Variants in PPM1F observed in about 807,000 individuals in gnomAD.
PPM1F encodes protein phosphatase, Mg2+/Mn2+ dependent 1F.
A neutral mutation model predicts 35.5 loss-of-function variants in PPM1F; 17 were observed. That is an observed-to-expected ratio of 0.48 (90% CI 0.33 to 0.72). PPM1F has a LOEUF of 0.72. Ranked by LOEUF, PPM1F falls within the 30% of genes least tolerant of loss-of-function variation. The pLI is 0.02. For synonymous variants in PPM1F, 241 were observed against 255.5 expected, an observed-to-expected ratio of 0.94 and a Z score of 0.54; for missense variants, 521 against 613.0, an observed-to-expected ratio of 0.85 and a Z score of 1.59.
intron 6 of PPM1F, among the ~76,000 whole-genome samples, chr22:21,929,459 A>C (rs955422703): frequency 1.1e-4 from 17 of 152,220 alleles, no homozygotes; most frequent in Non-Finnish European, 1.9e-4. Context: ...AGGCAAGGCC[A>C]TCTGTCCATG....
Position 21,939,825 on chromosome 22 carries a change from C to T in PPM1F, c.207-145G>A, listed in dbSNP as rs2070705670. 1 of 935,452 alleles carries T rather than the reference C, an allele frequency of 1.1e-6. No individual in the cohort carries two copies. 57.9% of individuals were successfully genotyped at this position (935,452 alleles called of 1,614,324 possible). On this transcript the variant is annotated intron_variant, in intron 2 of 7. Transcript: ENST00000263212. This position sits in a 1 kb window ranked among gnomAD's most constrained non-coding sequence, Gnocchi z 5.1. ...TCAGGGAGCTGGGACAGGAAGGTCA[C>T]AGGACAGCAAAGGCAGACGCACAAC...
intron 6 of PPM1F, among the ~76,000 whole-genome samples, chr22:21,928,884 C>T (rs1024100236): frequency 1.3e-5 from 2 of 152,176 alleles, no homozygotes; most frequent in African/African-American, 4.8e-5. Context: ...TCCTCCTGCT[C>T]CCCCATTAGA....
Position 21,939,724 on chromosome 22 carries a change from G to T in PPM1F, c.207-44C>A. 1.3e-6 allele frequency: 2 copies of T among 1,548,654 alleles called. No homozygotes were observed. The highest frequency in any genetic ancestry group is 8.7e-7 in the Non-Finnish European group (1 of 1,145,360). The stretch of plus-strand genomic sequence containing the variant: ...AAGTGAGGGGCAGCCCCCAGCAGGA[G>T]ACCACACCTAGCCCCCCTTCCCCAA... On this transcript the variant is annotated intron_variant, in intron 2 of 7. Transcript: ENST00000263212. The surrounding 1 kb of genome is among the most constrained non-coding windows in gnomAD (Gnocchi z 5.1).
At position 21,922,851 on chromosome 22, in the gene PPM1F, G is replaced by A. The variant is rs949991463; in HGVS notation, c.*241C>T. On this transcript the variant is annotated 3_prime_UTR_variant, in exon 8 of 8. Transcript: ENST00000263212. ...CTAATAGGAGCTGGGAGCAAGAGCC[G>A]GTCCATCTTCTCTTTGGTGAGGTCT... 9.6e-6 allele frequency: 5 copies of A among 521,968 alleles called. No individual in the cohort carries two copies. The highest frequency in any genetic ancestry group is 1.9e-5 in the African/African-American group (1 of 52,388). 32.3% of individuals were successfully genotyped at this position (521,968 alleles called of 1,614,324 possible).
chr22:21,942,594 C>T (rs1050081660), intron 2 of PPM1F: 3 of 152,248 alleles, frequency 2.0e-5, no homozygotes, highest in Non-Finnish European at 2.9e-5. Context: ...GGAGGAAGGA[C>T]GCCTGTTTCC....
Position 21,946,056 on chromosome 22 carries a change from G to C in PPM1F, c.-8C>G. 1 of 1,509,166 alleles carries C rather than the reference G, an allele frequency of 6.6e-7. No individual in the cohort carries two copies. Among genetic ancestry groups the C allele is most frequent in the Non-Finnish European group, 8.9e-7 (1 of 1,126,116 alleles). 93.5% of individuals were successfully genotyped at this position (1,509,166 alleles called of 1,614,324 possible). Reference sequence around the variant, plus strand: ...TGGGGCTCCAGAGGACATGCCCAAAGCATCCCGGGGGCCTGCAGCTAGGCC... The same window carrying C: ...TGGGGCTCCAGAGGACATGCCCAAACCATCCCGGGGGCCTGCAGCTAGGCC... On this transcript the variant is annotated 5_prime_UTR_variant, in exon 2 of 8. Coordinates refer to ENST00000263212, the MANE Select transcript of PPM1F (RefSeq NM_014634.4).
intron 2 of PPM1F, chr22:21,942,578 C>G (rs931604533): frequency 6.6e-6 from 1 of 152,266 alleles, no homozygotes; most frequent in African/African-American, 2.4e-5. Flanking sequence ...TCCTTTTGCA[C>G]AGCAGGGAGG....
chr22:21,949,646 C>T (rs1036574918), intron 1 of PPM1F: 1 of 152,328 alleles, frequency 6.6e-6, no homozygotes, highest in Non-Finnish European at 1.5e-5. Context: ...CTGAGCAGGG[C>T]ACACCAGTGA....
chr22:21,935,739 T>G (rs1371031012), intron 3 of PPM1F: 1 of 152,202 alleles, frequency 6.6e-6, no homozygotes, highest in Non-Finnish European at 1.5e-5. Flanking sequence ...GGCTCATGCC[T>G]GTAGTCCCGC....
intron 6 of PPM1F, among the ~76,000 whole-genome samples, chr22:21,926,276 G>A (rs2070514328): frequency 6.6e-6 from 1 of 151,886 alleles, no homozygotes; most frequent in Non-Finnish European, 1.5e-5. Flanking sequence ...TGACTACAGG[G>A]GCGTGCCACC....
intron 1 of PPM1F, chr22:21,951,494 T>C (rs566533270): frequency 6.6e-6 from 1 of 152,026 alleles, no homozygotes; most frequent in African/African-American, 2.4e-5. Context: ...TAGCTAGGAT[T>C]ACAGGCACCT....
At chr22:21,927,730 CCT>C (rs2070532907) in intron 6 of PPM1F, among the ~76,000 whole-genome samples, 1 of 152,220 alleles carries the variant, frequency 6.6e-6, no homozygotes. Flanking sequence ...TTCTGCACCC[CCT>C]GTGCTGGACA....
At chr22:21,938,433 G>A (rs2070687281) in intron 3 of PPM1F, 3 of 1,156,460 alleles carry the variant, frequency 2.6e-6, no homozygotes, top group Non-Finnish European at 3.2e-6. Context: ...GGGAGCCAGG[G>A]CGGAGGGCAG....
Position 21,931,129 on chromosome 22 carries a change from G to C in PPM1F, c.891+19C>G. 11 of 1,613,590 alleles carry C rather than the reference G, an allele frequency of 6.8e-6. No individual in the cohort carries two copies. Among genetic ancestry groups the C allele is most frequent in the Non-Finnish European group, 9.3e-6 (11 of 1,179,686 alleles). On this transcript the variant is annotated intron_variant, in intron 6 of 7. Transcript: ENST00000263212. ...GGAGGCCAGGAATATCCTGGGCCTG[G>C]GCGCAGGGATCCCCTTACCTGCCGT...
intron 3 of PPM1F, chr22:21,938,831 G>A (rs2070693177): frequency 6.5e-6 from 1 of 154,304 alleles, no homozygotes; most frequent in Admixed American, 6.5e-5. Context: ...GAGAATGAAA[G>A]AAAGTCACAT....
At position 21,939,248 on chromosome 22, in the gene PPM1F, T is replaced by G. The variant is rs1203650153; in HGVS notation, c.355+284A>C. On this transcript the variant is annotated intron_variant, in intron 3 of 7. Transcript: ENST00000263212. The surrounding 1 kb of genome is among the most constrained non-coding windows in gnomAD (Gnocchi z 5.1). ...AACGGGATAAGCATCTTTAATTTCC[T>G]GGGCTGTTCTGGAACTTCAGTCAGA... 2.1e-5 allele frequency: 9 copies of G among 438,906 alleles called. No homozygotes were observed. The East Asian group carries it at 3.4e-4, about 16-fold the overall frequency. The allele number at this position is 438,906 out of a possible 1,614,324, so 27.2% of individuals were successfully genotyped here.
intron 5 of PPM1F, 59 bp from the exon 6 acceptor site, chr22:21,931,350 A>T (rs1488966995): frequency 6.5e-6 from 10 of 1,540,106 alleles, no homozygotes; most frequent in Non-Finnish European, 8.8e-6. Flanking sequence ...AGAGGATGAC[A>T]CGGGGCAGGA....
intron 7 of PPM1F, among the ~76,000 whole-genome samples, chr22:21,924,317 C>T (rs2070484818): frequency 6.7e-6 from 1 of 149,784 alleles, no homozygotes; most frequent in Non-Finnish European, 1.5e-5. Flanking sequence ...GCCCAGGCTG[C>T]AGTGCAATGG....
At position 21,933,703 on chromosome 22, in the gene PPM1F, G is replaced by A. The variant is rs978515569; in HGVS notation, c.559-124C>T. On this transcript the variant is annotated intron_variant, in intron 4 of 7. Transcript: ENST00000263212. ...AGTATGGCCTTCGCCCGGCTTATGT[G>A]CGTATGAGGGGGTAGGTTTGGAAAA... The A allele has an allele frequency of 5.6e-5, 49 of 870,660 alleles. No homozygotes were observed. The African/African-American group carries it at 7.6e-4, about 13-fold the overall frequency. The allele number at this position is 870,660 out of a possible 1,614,324, so 53.9% of individuals were successfully genotyped here. A position where few individuals can be genotyped will look rare whatever the true frequency, so the allele number is the denominator to read the frequency against.
Sources: allele counts gnomAD v4.1 joint callset (sites outside exome capture counted in the v4.1 genomes callset), GRCh38; gene constraint gnomAD v4.1.1; non-coding constraint Gnocchi (gnomAD v3.1); transcripts MANE v1.5; gene names NCBI Gene and HGNC (gene_info 2026-07-23, HGNC 2026-07-21).